BTN3A1: variants seen among roughly 807,000 people sequenced by gnomAD.
The protein encoded by BTN3A1 is dJ45P21.3 (butyrophilin, subfamily 3, member A1).
BTN3A1 carries 24 observed loss-of-function variants against 43.0 expected under a neutral mutation model. That is an observed-to-expected ratio of 0.56 (90% CI 0.40 to 0.78). BTN3A1 has a LOEUF of 0.78. Among genes scored for constraint, BTN3A1 ranks in the 30% least tolerant of loss-of-function variants. The pLI is 0.00. For missense variants in BTN3A1, 533 were observed against 626.2 expected, an observed-to-expected ratio of 0.85 and a Z score of 1.59; for synonymous variants, 181 against 234.7, an observed-to-expected ratio of 0.77 and a Z score of 2.09.
intron 4 of BTN3A1, 95 bp downstream of exon 4, chr6:26,408,047 C>T: frequency 1.9e-6 from 3 of 1,555,902 alleles, no homozygotes; most frequent in Non-Finnish European, 2.6e-6. Flanking sequence ...TGGGTCTCTG[C>T]ACTGAATATA....
At chr6:26,405,797 A>C (rs1294549520) in intron 2 of BTN3A1, 112 bp from the exon 3 acceptor site, 2 of 1,592,102 alleles carry the variant, frequency 1.3e-6, no homozygotes, top group Admixed American at 3.5e-5. Context: ...TGTTAAGATC[A>C]GTTTCCCCCA....
rs909854506 is a variant in BTN3A1 at position 26,407,778 on chromosome 6, A to G, written c.541A>G (p.Asn181Asp). ...WYPQPQIQWS[N>D]NKGENIPTVE... is the part of the protein sequence containing the mutation. Reference sequence around the variant, plus strand: ...CCCCCAACCCCAAATACAGTGGAGCAACAACAAGGGAGAGAACATCCCGAC... The same window carrying G: ...CCCCCAACCCCAAATACAGTGGAGCGACAACAAGGGAGAGAACATCCCGAC... The change falls in exon 4 of 10, where the codon AAC (asparagine) becomes GAC (aspartate). Residue 181 changes from asparagine to aspartate, a missense_variant. Physicochemically the swap from Asn to Asp is conservative, Grantham distance 23 (BLOSUM62 1). Transcript: ENST00000289361. 4 of 1,614,120 alleles carry G rather than the reference A, an allele frequency of 2.5e-6. No homozygotes were observed. The African/African-American group carries it at 5.3e-5, about 22-fold the overall frequency.
chr6:26,407,535 C>T, intron 3 of BTN3A1, 136 bp from the exon 4 acceptor site: 1 of 1,143,596 alleles, frequency 8.7e-7, no homozygotes, highest in Non-Finnish European at 1.2e-6. Flanking sequence ...TTTCTCCTCA[C>T]TAGGACCACA....
intron 9 of BTN3A1, chr6:26,412,950 C>T (rs1279269531): frequency 6.9e-7 from 1 of 1,457,856 alleles, no homozygotes; most frequent in Non-Finnish European, 9.0e-7. Flanking sequence ...GATGCTGAGG[C>T]AACCCTCATT....
At chr6:26,411,669 G>T in intron 9 of BTN3A1, 88 bp downstream of exon 9, 1 of 1,486,678 alleles carries the variant, frequency 6.7e-7, no homozygotes, top group East Asian at 2.3e-5. Context: ...GTTGTGATTT[G>T]GGGAAGAAAA....
chr6:26,412,725 A>G, intron 9 of BTN3A1: 1 of 1,551,488 alleles, frequency 6.4e-7, no homozygotes, highest in Non-Finnish European at 8.7e-7. Context: ...GCTTCAGATG[A>G]GGCTCCACTT....
intron 7 of BTN3A1, 93 bp from the exon 8 acceptor site, chr6:26,411,016 A>AAAAAAAAAAAAAAAAAAAAAAAAAAAAT: frequency 9.0e-7 from 1 of 1,115,070 alleles, no homozygotes; most frequent in African/African-American, 1.6e-5. Context: ...AAAAAAAAAA[A>AAAAAAAAAAAAAAAAAAAAAAAAAAAAT]AAAAAAAGAT....
chr6:26,411,016 A>G lies in BTN3A1; in HGVS notation c.965-93A>G, dbSNP rs1052195617. Reference sequence around the variant, plus strand: ...TACAGGTGGTAAAAAAAAAAAAAAAAAAAAAAAGATTAGATGGATGTAAAG... The same window carrying G: ...TACAGGTGGTAAAAAAAAAAAAAAAGAAAAAAAGATTAGATGGATGTAAAG... On this transcript the variant is annotated intron_variant, in intron 7 of 9. Coordinates refer to ENST00000289361, the MANE Select transcript of BTN3A1 (RefSeq NM_007048.6). 9 of 1,115,068 alleles carry G rather than the reference A, an allele frequency of 8.1e-6. No individual in the cohort carries two copies. In the South Asian group the frequency reaches 1.6e-4, roughly 19 times the overall value. 69.1% of individuals were successfully genotyped at this position (1,115,068 alleles called of 1,614,324 possible).
intron 1 of BTN3A1, among the ~76,000 whole-genome samples, chr6:26,403,857 T>G (rs1037703639): frequency 6.6e-6 from 1 of 152,074 alleles, no homozygotes; most frequent in African/African-American, 2.4e-5. Flanking sequence ...TTTGCAATAT[T>G]GACTATAATC....
Position 26,409,712 on chromosome 6 carries a change from A to G in BTN3A1, c.895A>G (p.Lys299Glu), listed in dbSNP as rs771096142. ...GAGAGAAATGGCATGGAGCACAATG[A>G]AGCAAGAACAAAGCACAAGAGGTAG... is the stretch of plus-strand genomic sequence containing the variant. ...ELREMAWSTM[K>E]QEQSTRVKLL... The change falls in exon 5 of 10, where the codon AAG becomes GAG. Residue 299 changes from lysine (K) to glutamate (E), a missense_variant. Physicochemically the swap from Lys to Glu is moderately conservative, Grantham distance 56. Transcript: ENST00000289361. 1.3e-6 allele frequency: 2 copies of G among 1,574,776 alleles called. No homozygotes were observed. The highest frequency in any genetic ancestry group is 1.9e-5 in the Admixed American group (1 of 52,572).
rs541957984 is a variant in BTN3A1, at chr6:26,405,362, G to A, written c.-192-10G>A. On this transcript the variant is annotated splice_polypyrimidine_tract_variant and intron_variant, in intron 1 of 9. Transcript: ENST00000289361. Reference sequence around the variant, plus strand: ...ACAGATGTGCATTTCACATAGACATGTTTTTACAGGTGATTTTCAATGTTG... The same window carrying A: ...ACAGATGTGCATTTCACATAGACATATTTTTACAGGTGATTTTCAATGTTG... The A allele has an allele frequency of 1.9e-4, 113 of 606,964 alleles. No homozygotes were observed. The highest frequency in any genetic ancestry group is 1.6e-3 in the African/African-American group (87 of 54,038). 37.6% of individuals were successfully genotyped at this position (606,964 alleles called of 1,614,324 possible).
chr6:26,409,160 A>G (rs1762117397), intron 4 of BTN3A1, among the ~76,000 whole-genome samples: 1 of 139,098 alleles, frequency 7.2e-6, no homozygotes, highest in Non-Finnish European at 1.6e-5. Flanking sequence ...GAAGTTAAGA[A>G]AGGGAGGGTG....
chr6:26,410,078 T>C (rs768146079), intron 7 of BTN3A1, 46 bp downstream of exon 7: 22 of 1,608,894 alleles, frequency 1.4e-5, no homozygotes, highest in Non-Finnish European at 1.7e-5. Flanking sequence ...TATAACTGTC[T>C]GTGCTTGAAT....
At chr6:26,409,754 A>T in intron 5 of BTN3A1, 21 bp downstream of exon 5, 1 of 1,576,486 alleles carries the variant, frequency 6.3e-7, no homozygotes. Flanking sequence ...TTGGGAGTTT[A>T]TCTGAGCCCC....
intron 4 of BTN3A1, among the ~76,000 whole-genome samples, chr6:26,408,157 T>C (rs943704300): frequency 1.3e-5 from 2 of 152,210 alleles, no homozygotes; most frequent in Admixed American, 1.3e-4. Context: ...ACATTTCCTG[T>C]CTGCCAGAAG....
rs564062472 is a variant in BTN3A1 at position 26,412,188 on chromosome 6, C to T, written c.1018+607C>T. On this transcript the variant is annotated intron_variant, in intron 9 of 9. Transcript: ENST00000289361. ...AAAGCAACAAGGAAAAGTGCAGTGC[C>T]CCCATGGTTCCCAACAGTGGGGAGC... 82 of 485,126 alleles carry T rather than the reference C, an allele frequency of 1.7e-4. 1 individual carries two copies. The South Asian group carries it at 2.4e-3, about 14-fold the overall frequency. 30.1% of individuals were successfully genotyped at this position (485,126 alleles called of 1,614,324 possible). A position where few individuals can be genotyped will look rare whatever the true frequency, so the allele number is the denominator to read the frequency against.
Position 26,410,022 on chromosome 6 carries a change from GTA to G in BTN3A1, c.956_957del (p.Tyr319CysfsTer11), listed in dbSNP as rs1323669842. The G allele has an allele frequency of 4.3e-6, 7 of 1,614,086 alleles. No homozygotes were observed. The highest frequency in any genetic ancestry group is 5.9e-6 in the Non-Finnish European group (7 of 1,180,016). ...CCGTTGCAGGATGGAGAAGTATCCA[GTA>G]TGCATCTCGTAAGTGCCTCTGACAT... ...LEELRWRSIQ[Y>X]ASRGERHSAY... On this transcript the variant is annotated frameshift_variant, in exon 7 of 10. Transcript: ENST00000289361. LOFTEE classifies it high-confidence loss of function.
chr6:26,411,145 C>G lies in BTN3A1; in HGVS notation c.991+10C>G, dbSNP rs768181280. On this transcript the variant is annotated intron_variant, in intron 8 of 9. Transcript: ENST00000289361. ...CATTCAGCCTATAATGGTGAGTGAA[C>G]CTGATGCTCTCTGAGTTTGCTGGGA... 1.2e-6 allele frequency: 2 copies of G among 1,607,374 alleles called. No homozygotes were observed. The highest frequency in any genetic ancestry group is 1.7e-6 in the Non-Finnish European group (2 of 1,177,550).
Position 26,405,978 on chromosome 6 carries a change from G to C in BTN3A1, c.155G>C (p.Cys52Ser). The C allele has an allele frequency of 6.2e-7, 1 of 1,605,436 alleles. No individual in the cohort carries two copies. Among genetic ancestry groups the C allele is most frequent in the Non-Finnish European group, 8.5e-7 (1 of 1,176,848 alleles). Residue 52 changes from cysteine to serine, a missense_variant, in exon 3 of 10, where the codon TGT (cysteine) becomes TCT (serine). Physicochemically the swap from Cys to Ser is moderately radical, Grantham distance 112. This residue lies in a region of BTN3A1 where 56 missense variants were observed against 67.1 expected (regional missense o/e 0.83). Coordinates refer to ENST00000289361, the MANE Select transcript of BTN3A1 (RefSeq NM_007048.6). Reference protein sequence around the residue: ...AMVGEDADLPCHLFPTMSAET... With the variant: ...AMVGEDADLPSHLFPTMSAET... ...GTGGGTGAAGACGCTGATCTGCCCT[G>C]TCACCTGTTCCCGACCATGAGTGCA...
Sources: allele counts gnomAD v4.1 joint callset (sites outside exome capture counted in the v4.1 genomes callset), GRCh38; gene constraint gnomAD v4.1.1; regional missense constraint gnomAD v4.1.1; transcripts MANE v1.5; gene names NCBI Gene and HGNC (gene_info 2026-07-23, HGNC 2026-07-21).